The following STXBP5L variants were observed in gnomAD, a reference collection of about 807,000 sequenced individuals.
STXBP5L encodes the protein syntaxin binding protein 5L.
In STXBP5L, 65 loss-of-function variants were observed where a neutral mutation model predicts 144.5. The ratio of observed to expected loss-of-function variants is 0.45; its 90% CI spans 0.37 to 0.55. STXBP5L has a LOEUF of 0.55. Among genes scored for constraint, STXBP5L ranks in the 20% least tolerant of loss-of-function variants. STXBP5L has a pLI of 0.00. For missense variants in STXBP5L, 1,298 were observed against 1,405.5 expected (o/e 0.92, Z 1.22); for synonymous variants, 505 against 469.6 (o/e 1.08, Z -0.97).
chr3:121,378,028 A>T (rs768881237), intron 20 of STXBP5L, among the ~76,000 whole-genome samples: 3 of 152,224 alleles, frequency 2.0e-5, no homozygotes, highest in Admixed American at 2.0e-4. Context: ...AGGGAAATGG[A>T]TGAAGCTGGA....
In STXBP5L at chr3:121,114,940, T is replaced by G; in HGVS notation, c.486T>G (p.His162Gln). Residue 162 changes from histidine (H) to glutamine (Q), a missense_variant, in exon 6 of 27, where the codon CAT becomes CAG. His to Gln is a conservative substitution (Grantham distance 24). Coordinates refer to ENST00000471454, the MANE Select transcript of STXBP5L (RefSeq NM_001308330.2). ...KFNRERITYCHLPFQSKWLYV... is the reference protein window; with the variant it reads ...KFNRERITYCQLPFQSKWLYV... The stretch of plus-strand genomic sequence containing the variant: ...TTTCTTTCAGAATTACTTACTGTCA[T>G]CTACCTTTCCAGAGTAAATGGCTTT... 1 of 1,558,094 alleles carries G rather than the reference T, an allele frequency of 6.4e-7. No individual in the cohort carries two copies. The highest frequency in any genetic ancestry group is 8.7e-7 in the Non-Finnish European group (1 of 1,155,406).
intron 3 of STXBP5L, among the ~76,000 whole-genome samples, chr3:120,997,198 A>T (rs1007898314): frequency 1.3e-5 from 2 of 152,116 alleles, no homozygotes; most frequent in Non-Finnish European, 2.9e-5. Context: ...CCACTGATAG[A>T]CATTTAGGTT....
chr3:121,003,670 G>T (rs559016348), intron 3 of STXBP5L, among the ~76,000 whole-genome samples: 1 of 152,048 alleles, frequency 6.6e-6, no homozygotes, highest in Non-Finnish European at 1.5e-5. Context: ...TTCTTCTAGG[G>T]TTTTTATGGT....
intron 6 of STXBP5L, among the ~76,000 whole-genome samples, chr3:121,119,481 A>C (rs987182125): frequency 2.0e-5 from 3 of 151,454 alleles, no homozygotes; most frequent in Non-Finnish European, 4.4e-5. Context: ...ACTAATATTA[A>C]GAAGGCTACT....
chr3:120,999,165 G>T (rs1251394237), intron 3 of STXBP5L, among the ~76,000 whole-genome samples: 1 of 152,092 alleles, frequency 6.6e-6, no homozygotes, highest in Non-Finnish European at 1.5e-5. Context: ...TGATTCTTGT[G>T]GCTCAGCCTC....
chr3:121,002,516 TA>T (rs1385631748), intron 3 of STXBP5L, among the ~76,000 whole-genome samples: 10 of 152,226 alleles, frequency 6.6e-5, no homozygotes, highest in Non-Finnish European at 1.2e-4. Context: ...TTGATGATTT[TA>T]TTTGCAGAAA....
intron 4 of STXBP5L, among the ~76,000 whole-genome samples, chr3:121,044,959 A>T (rs1047181233): frequency 2.0e-5 from 3 of 152,158 alleles, no homozygotes; most frequent in African/African-American, 4.8e-5. Flanking sequence ...TATACCAAAT[A>T]TACTTTTTAG....
At chr3:121,075,505 TA>T (rs1256059141) in intron 5 of STXBP5L, among the ~76,000 whole-genome samples, 1 of 152,196 alleles carries the variant, frequency 6.6e-6, no homozygotes, top group African/African-American at 2.4e-5. Context: ...AGCTTGGTAA[TA>T]TGCCTTCAAA....
chr3:121,049,082 G>T (rs573836153), intron 5 of STXBP5L, among the ~76,000 whole-genome samples: 1 of 152,192 alleles, frequency 6.6e-6, no homozygotes, highest in South Asian at 2.1e-4. Context: ...GAGAGCCTAG[G>T]TAGGGGGTGG....
At chr3:121,036,635 G>A (rs1166392014) in intron 3 of STXBP5L, among the ~76,000 whole-genome samples, 1 of 152,060 alleles carries the variant, frequency 6.6e-6, no homozygotes, top group Admixed American at 6.6e-5. Context: ...AACTTAATCA[G>A]ATTGAGGAAG....
intron 20 of STXBP5L, among the ~76,000 whole-genome samples, chr3:121,346,419 C>T (rs1302203046): frequency 6.6e-6 from 1 of 152,092 alleles, no homozygotes; most frequent in African/African-American, 2.4e-5. Flanking sequence ...CATACATGTG[C>T]ATGTGTCTTT....
At chr3:121,166,059 C>T (rs1412215484) in intron 9 of STXBP5L, among the ~76,000 whole-genome samples, 1 of 151,912 alleles carries the variant, frequency 6.6e-6, no homozygotes, top group African/African-American at 2.4e-5. Context: ...GTCACCCAGG[C>T]TGGAGTGCAG....
At chr3:120,991,402 C>T (rs990497692) in intron 3 of STXBP5L, among the ~76,000 whole-genome samples, 56 of 151,910 alleles carry the variant, frequency 3.7e-4, no homozygotes, top group African/African-American at 1.3e-3. Flanking sequence ...ACTAGTTCAA[C>T]CATTGTGGAA....
chr3:121,356,577 T>C (rs960463469), intron 20 of STXBP5L, among the ~76,000 whole-genome samples: 4 of 152,348 alleles, frequency 2.6e-5, no homozygotes, highest in Admixed American at 2.6e-4. Flanking sequence ...AGTATCCCAT[T>C]TTTCCAGGTA....
At chr3:121,346,903 G>C (rs151256157) in intron 20 of STXBP5L, among the ~76,000 whole-genome samples, 2,363 of 151,924 alleles carry the variant, frequency 0.016, 24 homozygotes, top group Middle Eastern at 0.037. Flanking sequence ...TCTGTACATT[G>C]CCTGTTCACT....
intron 19 of STXBP5L, among the ~76,000 whole-genome samples, chr3:121,298,477 A>G (rs2051751082): frequency 6.6e-6 from 1 of 152,238 alleles, no homozygotes; most frequent in Non-Finnish European, 1.5e-5. Flanking sequence ...TACGTAAGTG[A>G]TACCGCATCA....
At chr3:121,323,657 T>G (rs1007836280) in intron 20 of STXBP5L, among the ~76,000 whole-genome samples, 18 of 152,206 alleles carry the variant, frequency 1.2e-4, no homozygotes, top group Non-Finnish European at 1.9e-4. Context: ...TCACTGAGGA[T>G]AAACTAATGA....
intron 20 of STXBP5L, among the ~76,000 whole-genome samples, chr3:121,345,083 A>G (rs1302185161): frequency 6.6e-6 from 1 of 152,006 alleles, no homozygotes; most frequent in African/African-American, 2.4e-5. Context: ...ATAGGTATAC[A>G]TGTGCCATGT....
At chr3:121,029,736 G>C (rs1185414221) in intron 3 of STXBP5L, among the ~76,000 whole-genome samples, 1 of 151,968 alleles carries the variant, frequency 6.6e-6, no homozygotes, top group Non-Finnish European at 1.5e-5. Flanking sequence ...TCATCTGAGT[G>C]AACAGGTAAG....
Sources: allele counts gnomAD v4.1 joint callset (sites outside exome capture counted in the v4.1 genomes callset), GRCh38; gene constraint gnomAD v4.1.1; transcripts MANE v1.5; gene names NCBI Gene and HGNC (gene_info 2026-07-23, HGNC 2026-07-21).